The following DNHD1 variants were observed in gnomAD, a reference collection of about 807,000 sequenced individuals.
DNHD1 encodes dynein heavy chain domain 1, also known as dynein heavy chain domain-containing protein 1.
Under a neutral mutation model 458.1 loss-of-function variants are expected in DNHD1, and 383 were observed. The observed-to-expected ratio is 0.84, with a 90% CI of 0.77 to 0.91. The LOEUF (loss-of-function observed/expected upper bound fraction) is 0.91. DNHD1 is among the 40% of genes least tolerant of loss of function. DNHD1 has a pLI of 0.00. For missense variants in DNHD1, 5,336 were observed against 5,866.1 expected, an observed-to-expected ratio of 0.91 and a Z score of 2.95; for synonymous variants, 2,203 against 2,376.9, an observed-to-expected ratio of 0.93 and a Z score of 2.13.
rs1035381607 is a variant in DNHD1 at position 6,545,119 on chromosome 11, G to A, written c.4180G>A (p.Val1394Met). The part of the protein sequence containing the change: ...VRRCFPHVHA[V>M]SFRSCPTGEK... ...ACGCTGCTTTCCTCATGTGCATGCT[G>A]TGAGCTTCAGGTCTTGCCCAACTGG... The change falls in exon 21 of 43, where the codon GTG becomes ATG. Residue 1394 changes from valine to methionine, a missense_variant. By Grantham distance (21) the Val-to-Met change is conservative. This residue lies in a region of DNHD1 where 3,932 missense variants were observed against 4,365.6 expected (regional missense o/e 0.90). Coordinates refer to ENST00000254579, the MANE Select transcript of DNHD1 (RefSeq NM_144666.3). This position sits in a 1 kb window ranked among gnomAD's most constrained non-coding sequence, Gnocchi z 4.9. 9 of 1,552,032 alleles carry A rather than the reference G, an allele frequency of 5.8e-6. No individual in the cohort carries two copies. Among genetic ancestry groups the A allele is most frequent in the African/African-American group, 1.4e-5 (1 of 73,054 alleles).
chr11:6,570,110 T>C lies in DNHD1; in HGVS notation c.12955+10T>C. 1 of 1,613,718 alleles carries C rather than the reference T, an allele frequency of 6.2e-7. No homozygotes were observed. The highest frequency in any genetic ancestry group is 1.1e-5 in the South Asian group (1 of 91,080). Reference sequence around the variant, plus strand: ...ATGCAAGAGCTGGCTGGTGAGACCCTTCCTCTCCCCCTTGGAGTCATCAGC... The same window carrying C: ...ATGCAAGAGCTGGCTGGTGAGACCCCTCCTCTCCCCCTTGGAGTCATCAGC... On this transcript the variant is annotated intron_variant, in intron 40 of 42. Transcript: ENST00000254579.
chr11:6,512,232 T>TTTTTTTTTTTTTTTTC (rs1852352506), intron 7 of DNHD1, among the ~76,000 whole-genome samples: 1 of 95,842 alleles, frequency 1.0e-5, no homozygotes, highest in African/African-American at 3.8e-5. Flanking sequence ...TTTTTTTTTT[T>TTTTTTTTTTTTTTTTC]TTTTTTGAGA....
chr11:6,545,059 C>T lies in DNHD1; in HGVS notation c.4120C>T (p.Arg1374Ter), dbSNP rs766121370. 19 of 1,551,728 alleles carry T rather than the reference C, an allele frequency of 1.2e-5. No homozygotes were observed. Among genetic ancestry groups the T allele is most frequent in the South Asian group, 1.2e-4 (10 of 84,056 alleles). ...TGAGCTGGTAGCCCTGCTGGCTGCT[C>T]GACTGGAATCATGCGAAGCCCAGCT... ...DSELVALLAA[R>*]LESCEAQLWV... is the part of the protein sequence containing the mutation. Residue 1374 changes from arginine (R) to a stop codon, truncating the protein, a stop_gained, in exon 21 of 43, where the codon CGA (arginine) becomes TGA (stop). Coordinates refer to ENST00000254579, the MANE Select transcript of DNHD1 (RefSeq NM_144666.3). LOFTEE classifies it high-confidence loss of function. The surrounding 1 kb of genome is among the most constrained non-coding windows in gnomAD (Gnocchi z 4.9).
intron 28 of DNHD1, among the ~76,000 whole-genome samples, chr11:6,559,932 C>T (rs555102921): frequency 2.0e-5 from 3 of 152,210 alleles, no homozygotes; most frequent in East Asian, 3.9e-4. Context: ...TTTCCTTTAG[C>T]GCTCCCTTCT....
Position 6,502,799 on chromosome 11 carries a change from A to G in DNHD1, c.793A>G (p.Ser265Gly), listed in dbSNP as rs1432729465. The change falls in exon 4 of 43, where the codon AGC becomes GGC. Residue 265 changes from serine (S) to glycine (G), a missense_variant. By Grantham distance (56) the Ser-to-Gly change is moderately conservative. This residue lies in a region of DNHD1 where 3,932 missense variants were observed against 4,365.6 expected (regional missense o/e 0.90). Coordinates refer to ENST00000254579, the MANE Select transcript of DNHD1 (RefSeq NM_144666.3). Reference protein sequence around the residue: ...EVPREKAFQKSSTGFSPETSF... With the variant: ...EVPREKAFQKGSTGFSPETSF... ...TCCCAGGGAAAAGGCCTTCCAAAAG[A>G]GCAGCACCGGCTTTTCACCTGAGAC... 1.6e-5 allele frequency: 26 copies of G among 1,612,030 alleles called. No homozygotes were observed. The highest frequency in any genetic ancestry group is 2.2e-5 in the Non-Finnish European group (26 of 1,179,134).
chr11:6,511,688 AAT>A (rs1476067133), intron 7 of DNHD1, among the ~76,000 whole-genome samples: 1 of 152,168 alleles, frequency 6.6e-6, no homozygotes, highest in Non-Finnish European at 1.5e-5. Context: ...GGAATGTATC[AAT>A]GTCTATTTTG....
chr11:6,499,184 A>G lies in DNHD1; in HGVS notation c.746+223A>G, dbSNP rs371099892. ...ATCCCCATAGAGAAATACAGAAATT[A>G]ATGAAAATCAGAAGTCAGCTATGAG... On this transcript the variant is annotated intron_variant, in intron 3 of 42. Transcript: ENST00000254579. Among the ~76,000 whole-genome samples the G allele has an allele frequency of 4.6e-5, 7 of 152,368 alleles. No homozygotes were observed. The East Asian group carries it at 1.3e-3, about 29-fold the overall frequency.
chr11:6,558,026 C>T lies in DNHD1; in HGVS notation c.8731C>T (p.His2911Tyr). The T allele has an allele frequency of 6.4e-7, 1 of 1,551,734 alleles. No individual in the cohort carries two copies. Among genetic ancestry groups the T allele is most frequent in the East Asian group, 2.4e-5 (1 of 40,914 alleles). Reference sequence around the variant, plus strand: ...TCTGGCTTCTAGCATTTGTCAGGCCCATTTCTTTCATCTACCATCTGGGTC... The same window carrying T: ...TCTGGCTTCTAGCATTTGTCAGGCCTATTTCTTTCATCTACCATCTGGGTC... ...ITLASSICQA[H>Y]FFHLPSGSEE... The change falls in exon 25 of 43, where the codon CAT becomes TAT. Residue 2911 changes from histidine (H) to tyrosine (Y), a missense_variant. Around this residue, in one of 4 missense-constraint regions of DNHD1, gnomAD observed 3,932 missense variants for 4,365.6 expected, o/e 0.90. Transcript: ENST00000254579.
Position 6,564,384 on chromosome 11 carries a change from G to A in DNHD1, c.10336G>A (p.Ala3446Thr). 6.4e-7 allele frequency: 1 copy of A among 1,551,116 alleles called. No individual in the cohort carries two copies. The highest frequency in any genetic ancestry group is 8.7e-7 in the Non-Finnish European group (1 of 1,146,548). ...TVFGDTLLCS[A>T]AIIYLGPFPP... Reference sequence around the variant, plus strand: ...GTTTGGAGATACCCTCCTATGTTCAGCTGCCATCATCTACCTGGGTCCCTT... The same window carrying A: ...GTTTGGAGATACCCTCCTATGTTCAACTGCCATCATCTACCTGGGTCCCTT... The change falls in exon 32 of 43, where the codon GCT (alanine) becomes ACT (threonine). Residue 3446 changes from alanine to threonine, a missense_variant. Ala to Thr is a moderately conservative substitution (Grantham distance 58, BLOSUM62 0). This residue lies in a region of DNHD1 where 3,932 missense variants were observed against 4,365.6 expected (regional missense o/e 0.90). Transcript: ENST00000254579.
rs746279807 is a variant in DNHD1, at chr11:6,567,008, T to C, written c.11499T>C (p.Cys3833=). ...QGKLCQLRAH[C]EELEGQKLQE... ...AGCTATGCCAGCTGCGTGCTCATTG[T>C]GAAGAGTTAGAAGGGCAGAAACTAC... is the stretch of plus-strand genomic sequence containing the variant. The change falls in exon 36 of 43, where the codon TGT becomes TGC. Residue 3833 remains cysteine, a synonymous_variant. Transcript: ENST00000254579. 10 of 1,613,972 alleles carry C rather than the reference T, an allele frequency of 6.2e-6. No homozygotes were observed. The highest frequency in any genetic ancestry group is 8.5e-6 in the Non-Finnish European group (10 of 1,179,876).
intron 28 of DNHD1, 95 bp from the exon 29 acceptor site, chr11:6,562,887 G>A: frequency 7.1e-7 from 1 of 1,401,864 alleles, no homozygotes; most frequent in Non-Finnish European, 9.6e-7. Context: ...TCTTTCAAGT[G>A]AGGAGTGTGC....
rs974841050 is a variant in DNHD1, at chr11:6,540,115, C to T, written c.3628+32C>T. The T allele has an allele frequency of 2.6e-6, 4 of 1,537,866 alleles. No individual in the cohort carries two copies. In the African/African-American group the frequency reaches 5.5e-5, roughly 21 times the overall value. On this transcript the variant is annotated intron_variant, in intron 18 of 42. Transcript: ENST00000254579. ...CCCAGACCTTGTGACCTAGTGAAAG[C>T]CCCCTGCTGGGGGCCATTTTCATCC... is the stretch of plus-strand genomic sequence containing the variant.
At chr11:6,534,233 A>C in intron 14 of DNHD1, 60 bp downstream of exon 14, 1 of 1,499,346 alleles carries the variant, frequency 6.7e-7, no homozygotes, top group Non-Finnish European at 8.9e-7. Context: ...AACTGAAGTA[A>C]GAGTTGGAAC....
chr11:6,528,878 G>A lies in DNHD1; in HGVS notation c.2104G>A (p.Gly702Ser). The A allele has an allele frequency of 6.4e-7, 1 of 1,551,660 alleles. No homozygotes were observed. ...CCCTAAACACCTTGTCTGCCCTTAG[G>A]GCGTGCTGTGCAAGGTGCAGGAATT... The part of the protein sequence containing the change: ...ALNIQQVLLE[G>S]VLCKVQEFCR... Residue 702 changes from glycine (G) to serine (S), a missense_variant and splice_region_variant, in exon 12 of 43, where the codon GGC (glycine) becomes AGC (serine). Gly to Ser is a moderately conservative substitution (Grantham distance 56). Coordinates refer to ENST00000254579, the MANE Select transcript of DNHD1 (RefSeq NM_144666.3).
At position 6,538,334 on chromosome 11, in the gene DNHD1, C is replaced by T. The variant is rs1170045735; in HGVS notation, c.2999-49C>T. On this transcript the variant is annotated intron_variant, in intron 14 of 42. Coordinates refer to ENST00000254579, the MANE Select transcript of DNHD1 (RefSeq NM_144666.3). The stretch of plus-strand genomic sequence containing the variant: ...CTTGACTGATCATTCCACCACCCCC[C>T]TCCCAACACTGCAAGTAGCCCAGGT... 5.2e-6 allele frequency: 8 copies of T among 1,545,766 alleles called. No individual in the cohort carries two copies. The Admixed American group carries it at 1.6e-4, about 30-fold the overall frequency.
chr11:6,562,937 G>A (rs375308916), intron 28 of DNHD1, 45 bp from the exon 29 acceptor site: 32 of 1,537,138 alleles, frequency 2.1e-5, no homozygotes, highest in African/African-American at 9.6e-5. Flanking sequence ...GGTTTCCCGC[G>A]TGGCCCAAGA....
Position 6,568,193 on chromosome 11 carries a change from G to T in DNHD1, c.12489G>T (p.Trp4163Cys). The T allele has an allele frequency of 5.2e-6, 8 of 1,552,454 alleles. No homozygotes were observed. Among genetic ancestry groups the T allele is most frequent in the Non-Finnish European group, 7.0e-6 (8 of 1,147,342 alleles). ...VLDNCHLMPHWPKELLQLLLE... is the reference protein window; with the variant it reads ...VLDNCHLMPHCPKELLQLLLE... ...ACAACTGTCATCTGATGCCCCATTGGCCGAAAGAGCTGCTACAGCTCTTGC... is the reference window on the plus strand; with the variant it reads ...ACAACTGTCATCTGATGCCCCATTGTCCGAAAGAGCTGCTACAGCTCTTGC... The change falls in exon 37 of 43, where the codon TGG (tryptophan) becomes TGT (cysteine). Residue 4163 changes from tryptophan (W) to cysteine (C), a missense_variant. Trp to Cys is a radical substitution (Grantham distance 215). Around this residue, in one of 4 missense-constraint regions of DNHD1, gnomAD observed 695 missense variants for 804.2 expected, o/e 0.86. Coordinates refer to ENST00000254579, the MANE Select transcript of DNHD1 (RefSeq NM_144666.3).
intron 28 of DNHD1, among the ~76,000 whole-genome samples, chr11:6,560,997 C>T (rs1387863022): frequency 6.6e-6 from 1 of 152,124 alleles, no homozygotes; most frequent in African/African-American, 2.4e-5. Flanking sequence ...TCTTTTCTCA[C>T]TTTACAGATG....
chr11:6,570,181 G>A (rs1193701658), intron 40 of DNHD1, 66 bp from the exon 41 acceptor site: 9 of 1,613,556 alleles, frequency 5.6e-6, no homozygotes, highest in Non-Finnish European at 4.2e-6. Context: ...ACAATTCACA[G>A]CTTTGGTTTT....
Sources: gnomAD v4.1 joint callset for allele counts (sites outside exome capture counted in the v4.1 genomes callset) on GRCh38, gnomAD v4.1.1 for gene constraint, gnomAD v4.1.1 regional missense constraint, Gnocchi (gnomAD v3.1) non-coding constraint, MANE v1.5 for transcripts, NCBI Gene and HGNC (gene_info 2026-07-23, HGNC 2026-07-21) for gene names.